Variants in PNKP observed in about 807,000 individuals in gnomAD.
PNKP encodes bifunctional polynucleotide phosphatase/kinase.
In PNKP, 82 loss-of-function variants were observed where a neutral mutation model predicts 66.2. The observed-to-expected ratio is 1.24, with a 90% CI of 1.04 to 1.49. The LOEUF is 1.49. Among genes scored for constraint, PNKP ranks in the 40% most tolerant of loss-of-function variants. The pLI, the probability that PNKP is intolerant of heterozygous loss-of-function variation, is 0.00. For missense variants in PNKP, 907 were observed against 706.8 expected (o/e 1.28, Z -3.21); for synonymous variants, 412 against 298.9 (o/e 1.38, Z -3.90).
At chr19:49,866,205 G>A (rs1020573051) in intron 3 of PNKP, 194 bp downstream of exon 3, 4 of 662,484 alleles carry the variant, frequency 6.0e-6, no homozygotes, top group Non-Finnish European at 1.1e-5. Flanking sequence ...TCACCATGTC[G>A]CTCAGGCTGG....
Position 49,862,429 on chromosome 19 carries a change from G to T in PNKP, c.971C>A (p.Pro324His). The stretch of plus-strand genomic sequence containing the variant: ...TGGCCACTTGAGAAAGAACTCCTCA[G>T]GCGTGGCGAAGGGCAGGCCAAGGTT... ...ALNLGLPFAT[P>H]EEFFLKWPAA... Residue 324 changes from proline to histidine, a missense_variant, in exon 11 of 17, where the codon CCT becomes CAT. Pro to His is a moderately conservative substitution (Grantham distance 77). Coordinates refer to ENST00000322344, the MANE Select transcript of PNKP (RefSeq NM_007254.4). 2.5e-6 allele frequency: 4 copies of T among 1,581,524 alleles called. No homozygotes were observed. Among genetic ancestry groups the T allele is most frequent in the Non-Finnish European group, 3.4e-6 (4 of 1,163,670 alleles).
In PNKP at chr19:49,867,122, C is replaced by T. The variant is rs771064093; in HGVS notation, c.83G>A (p.Gly28Glu). ...TCCCCTGCCCAGGACCAGGGCTTGC[C>T]CGTCCGAGGGCAGGAAGATGGGGGG... Reference protein sequence around the residue: ...GAPPIFLPSDGQALVLGRGPL... With the variant: ...GAPPIFLPSDEQALVLGRGPL... Residue 28 changes from glycine to glutamate, a missense_variant, in exon 2 of 17, where the codon GGG becomes GAG. Transcript: ENST00000322344. 3.7e-6 allele frequency: 6 copies of T among 1,613,412 alleles called. No homozygotes were observed. The South Asian group carries it at 6.6e-5, about 18-fold the overall frequency.
At chr19:49,865,669 A>T (rs1009465336) in intron 3 of PNKP, 2 of 517,652 alleles carry the variant, frequency 3.9e-6, no homozygotes, top group Non-Finnish European at 6.7e-6. Flanking sequence ...GCTGGAGTGC[A>T]GTGGTGCAAT....
At position 49,867,570 on chromosome 19, in the gene PNKP, C is replaced by T. The variant is rs2074831847; in HGVS notation, c.-115G>A. The T allele has an allele frequency of 1.2e-5, 4 of 326,124 alleles. No homozygotes were observed. Among genetic ancestry groups the T allele is most frequent in the South Asian group, 1.2e-4 (4 of 33,874 alleles). The allele number at this position is 326,124 out of a possible 1,614,324, so 20.2% of individuals were successfully genotyped here. On this transcript the variant is annotated 5_prime_UTR_variant, in exon 1 of 17. Transcript: ENST00000322344. The stretch of plus-strand genomic sequence containing the variant: ...CGGCGGCGGTCGGTTCCTCGGCGGA[C>T]GGAAATGACTCGTCCCCTCGTGGGT...
At position 49,864,161 on chromosome 19, in the gene PNKP, A is replaced by G. The variant is rs748805586; in HGVS notation, c.636+18T>C. ...CCGCCACGTGCACGTGCCCATGCAG[A>G]CAGGCGGCTGCACATACCTTGTAGC... On this transcript the variant is annotated intron_variant, in intron 6 of 16. Coordinates refer to ENST00000322344, the MANE Select transcript of PNKP (RefSeq NM_007254.4). 1.9e-6 allele frequency: 3 copies of G among 1,612,612 alleles called. No individual in the cohort carries two copies. Among genetic ancestry groups the G allele is most frequent in the Non-Finnish European group, 2.5e-6 (3 of 1,178,714 alleles).
rs770634541 is a variant in PNKP at position 49,861,437 on chromosome 19, C to T, written c.1448+12G>A. Reference sequence around the variant, plus strand: ...AGCCAGTGCCCCTGCCCCCTGCTATCCCCAACAGTACCTGTAGCCATACAT... The same window carrying T: ...AGCCAGTGCCCCTGCCCCCTGCTATTCCCAACAGTACCTGTAGCCATACAT... On this transcript the variant is annotated intron_variant, in intron 16 of 16. Coordinates refer to ENST00000322344, the MANE Select transcript of PNKP (RefSeq NM_007254.4). The T allele has an allele frequency of 1.2e-4, 191 of 1,614,016 alleles. No individual in the cohort carries two copies. Among genetic ancestry groups the T allele is most frequent in the Non-Finnish European group, 1.4e-4 (167 of 1,179,982 alleles).
chr19:49,866,469 A>T, intron 2 of PNKP, 24 bp from the exon 3 acceptor site: 1 of 1,613,070 alleles, frequency 6.2e-7, no homozygotes, highest in South Asian at 1.1e-5. Flanking sequence ...GGGTGGAGTC[A>T]GGATTTGCAT....
chr19:49,861,301 G>A lies in PNKP; in HGVS notation c.1513C>T (p.Leu505=), dbSNP rs201661864. The A allele has an allele frequency of 4.2e-5, 67 of 1,613,970 alleles. No individual in the cohort carries two copies. The highest frequency in any genetic ancestry group is 3.2e-4 in the South Asian group (29 of 91,080). The change falls in exon 17 of 17, where the codon CTA becomes TTA. Residue 505 remains leucine (L), a synonymous_variant. Coordinates refer to ENST00000322344, the MANE Select transcript of PNKP (RefSeq NM_007254.4). ...CGCCCCAGCCTCGGCTCCACCCATA[G>A]CCGGAACGGGATCTCCAGGATGGCA... ...FSAILEIPFR[L]WVEPRLGRLY... is the part of the protein sequence containing the mutation.
rs749568944 is a variant in PNKP at position 49,862,790 on chromosome 19, G to A, written c.817-52C>T. 5 of 1,594,080 alleles carry A rather than the reference G, an allele frequency of 3.1e-6. No individual in the cohort carries two copies. In the South Asian group the frequency reaches 4.4e-5, roughly 14 times the overall value. ...CTTCCCACAAATGTCCCCCCGCAGC[G>A]GTAGCGGGTCCCTGGGGCTGCTTCG... On this transcript the variant is annotated intron_variant, in intron 8 of 16. Coordinates refer to ENST00000322344, the MANE Select transcript of PNKP (RefSeq NM_007254.4).
chr19:49,863,220 C>CA (rs764244303), intron 8 of PNKP, among the ~76,000 whole-genome samples: 1 of 152,190 alleles, frequency 6.6e-6, no homozygotes, highest in African/African-American at 2.4e-5. Flanking sequence ...CAGGTGTCCA[C>CA]CTGGCTCCCT....
At chr19:49,864,778 T>G (rs3739183) in intron 4 of PNKP, among the ~76,000 whole-genome samples, 4,082 of 152,328 alleles carry the variant, frequency 0.027, 82 homozygotes, top group South Asian at 0.085. Context: ...CTATGCCACG[T>G]GCTTTTTTTA....
rs765634741 is a variant in PNKP, at chr19:49,861,752, C to A, written c.1298+20G>T. 5.8e-6 allele frequency: 9 copies of A among 1,559,046 alleles called. No homozygotes were observed. The highest frequency in any genetic ancestry group is 1.7e-6 in the Non-Finnish European group (2 of 1,152,032). On this transcript the variant is annotated intron_variant, in intron 14 of 16. Transcript: ENST00000322344. ...CGCCCACCCCGCCGCAGGCCACCTACGGCCCCGCGGTCACGCTACCTGGCG... is the reference window on the plus strand; with the variant it reads ...CGCCCACCCCGCCGCAGGCCACCTAAGGCCCCGCGGTCACGCTACCTGGCG...
At chr19:49,865,863 C>T (rs1483512941) in intron 3 of PNKP, 1 of 235,632 alleles carries the variant, frequency 4.2e-6, no homozygotes, top group Non-Finnish European at 8.5e-6. Flanking sequence ...ATCCGCCCGC[C>T]TAGCCTCCCA....
chr19:49,865,882 G>A (rs1398809429), intron 3 of PNKP: 1 of 235,228 alleles, frequency 4.3e-6, no homozygotes, highest in Non-Finnish European at 8.5e-6. Flanking sequence ...CAAAGTGCTG[G>A]GATTACAGGC....
chr19:49,861,371 A>C lies in PNKP; in HGVS notation c.1449-6T>G, dbSNP rs1296635169. The C allele has an allele frequency of 1.2e-6, 2 of 1,613,904 alleles. No homozygotes were observed. The highest frequency in any genetic ancestry group is 2.7e-5 in the African/African-American group (2 of 74,912). ...TTGGGGCCTCGAACTGCTTCCTGGC[A>C]GTGGTGGGAACAGTGAGGGACAGCC... On this transcript the variant is annotated splice_region_variant and splice_polypyrimidine_tract_variant and intron_variant, in intron 16 of 16. Coordinates refer to ENST00000322344, the MANE Select transcript of PNKP (RefSeq NM_007254.4).
At chr19:49,866,476 G>A in intron 2 of PNKP, 31 bp from the exon 3 acceptor site, 2 of 1,610,796 alleles carry the variant, frequency 1.2e-6, no homozygotes, top group Non-Finnish European at 1.7e-6. Flanking sequence ...GTCAGGATTT[G>A]CATCCTTGTG....
chr19:49,865,602 T>A, intron 3 of PNKP, 176 bp from the exon 4 acceptor site: 42 of 192,254 alleles, frequency 2.2e-4, no homozygotes, highest in Non-Finnish European at 2.8e-4. Flanking sequence ...TGTCCGAATC[T>A]TTTTTTTTTT....
chr19:49,867,323 C>T (rs1331531101), intron 1 of PNKP, 106 bp from the exon 2 acceptor site: 5 of 1,180,616 alleles, frequency 4.2e-6, no homozygotes, highest in South Asian at 3.0e-5. Context: ...ATTAACTGCT[C>T]CGGAAGTCCC....
Position 49,862,226 on chromosome 19 carries a change from C to T in PNKP, c.1085G>A (p.Ser362Asn), listed in dbSNP as rs2074777053. The change falls in exon 12 of 17, where the codon AGC becomes AAC. Residue 362 changes from serine (S) to asparagine (N), a missense_variant. Ser to Asn is a conservative substitution (Grantham distance 46). Transcript: ENST00000322344. ...LCLPESRALL[S>N]ASPEVVVAVG... Reference sequence around the variant, plus strand: ...TGCGACAACCACCTCCGGGCTGGCGCTCAGGAGGGCCCTGGACTCGGGGAG... The same window carrying T: ...TGCGACAACCACCTCCGGGCTGGCGTTCAGGAGGGCCCTGGACTCGGGGAG... The T allele has an allele frequency of 6.2e-7, 1 of 1,612,638 alleles. No individual in the cohort carries two copies. The highest frequency in any genetic ancestry group is 1.7e-5 in the Admixed American group (1 of 59,798).
Sources: allele counts gnomAD v4.1 joint callset (sites outside exome capture counted in the v4.1 genomes callset), GRCh38; gene constraint gnomAD v4.1.1; transcripts MANE v1.5; gene names NCBI Gene and HGNC (gene_info 2026-07-23, HGNC 2026-07-21).